The following SEZ6L variants were observed in gnomAD, a reference collection of about 807,000 sequenced individuals.
The protein encoded by SEZ6L is seizure 6-like protein.
A neutral mutation model predicts 106.2 loss-of-function variants in SEZ6L; 37 were observed. The ratio of observed to expected loss-of-function variants is 0.35; its 90% CI spans 0.27 to 0.46. The LOEUF (loss-of-function observed/expected upper bound fraction) is 0.46. SEZ6L is among the 20% of genes least tolerant of loss of function. The pLI is 1.00. For missense variants in SEZ6L, 1,172 were observed against 1,332.8 expected (o/e 0.88, Z 1.88); for synonymous variants, 541 against 570.4 (o/e 0.95, Z 0.73).
intron 15 of SEZ6L, among the ~76,000 whole-genome samples, chr22:26,376,952 A>G (rs549632716): frequency 6.6e-6 from 1 of 152,140 alleles, no homozygotes; most frequent in East Asian, 1.9e-4. Flanking sequence ...GGAAATAGGT[A>G]GGTGTGGTGA....
At chr22:26,316,458 G>A (rs1392629897) in intron 9 of SEZ6L, among the ~76,000 whole-genome samples, 1 of 152,200 alleles carries the variant, frequency 6.6e-6, no homozygotes, top group Non-Finnish European at 1.5e-5. Context: ...GGGCACCTGA[G>A]TGAAATCAGG....
intron 12 of SEZ6L, among the ~76,000 whole-genome samples, chr22:26,351,837 A>G (rs1601590060): frequency 6.7e-6 from 1 of 150,324 alleles, no homozygotes; most frequent in East Asian, 2.1e-4. Flanking sequence ...ATGAGCCACC[A>G]CCCTGGCTTC....
intron 1 of SEZ6L, among the ~76,000 whole-genome samples, chr22:26,205,432 C>G (rs969447777): frequency 6.6e-6 from 1 of 152,230 alleles, no homozygotes; most frequent in East Asian, 1.9e-4. Context: ...TGACCTTCTT[C>G]CTCAGGTTTA....
At chr22:26,309,230 C>A (rs918431852) in intron 6 of SEZ6L, among the ~76,000 whole-genome samples, 1 of 152,170 alleles carries the variant, frequency 6.6e-6, no homozygotes, top group African/African-American at 2.4e-5. Context: ...CTTTAAAAAA[C>A]CAAGGCTAGC....
intron 1 of SEZ6L, among the ~76,000 whole-genome samples, chr22:26,287,238 C>T (rs77296566): frequency 0.075 from 11,350 of 152,116 alleles, 531 homozygotes; most frequent in Middle Eastern, 0.14. Flanking sequence ...GCAACATCAG[C>T]GTGCATTTAA....
chr22:26,216,900 T>G lies in SEZ6L; in HGVS notation c.94+47137T>G, dbSNP rs540655311. ...GGCTTTGAGAGGTAAAGTCACTTGC[T>G]TAAGGCCATATAACCAGGAGGGAAG... On this transcript the variant is annotated intron_variant, in intron 1 of 16. Transcript: ENST00000248933. Among the ~76,000 whole-genome samples the G allele has an allele frequency of 2.0e-5, 3 of 152,254 alleles. No individual in the cohort carries two copies. In the South Asian group the frequency reaches 6.2e-4, roughly 32 times the overall value.
intron 12 of SEZ6L, among the ~76,000 whole-genome samples, chr22:26,364,021 G>A (rs139731296): frequency 2.4e-4 from 37 of 152,246 alleles, no homozygotes; most frequent in African/African-American, 8.4e-4. Flanking sequence ...GTTGTTTAAC[G>A]CATATAGAGT....
chr22:26,369,568 C>T (rs973051867), intron 13 of SEZ6L, among the ~76,000 whole-genome samples: 8 of 151,634 alleles, frequency 5.3e-5, no homozygotes, highest in African/African-American at 1.7e-4. Flanking sequence ...TCTCGATCTC[C>T]TGACCTCGTG....
intron 1 of SEZ6L, among the ~76,000 whole-genome samples, chr22:26,218,639 T>C (rs1312002115): frequency 6.6e-6 from 1 of 152,186 alleles, no homozygotes; most frequent in African/African-American, 2.4e-5. Context: ...CTGTCTCTAC[T>C]AAAAATACAA....
intron 1 of SEZ6L, chr22:26,241,401 G>A (rs1376653952): frequency 1.3e-5 from 2 of 152,070 alleles, no homozygotes; most frequent in African/African-American, 4.8e-5. Context: ...TGCCCTCCAA[G>A]GGATGCAGCA....
intron 1 of SEZ6L, among the ~76,000 whole-genome samples, chr22:26,212,715 G>T (rs750496715): frequency 6.6e-6 from 1 of 152,208 alleles, no homozygotes; most frequent in African/African-American, 2.4e-5. Flanking sequence ...GAGCCACCAC[G>T]CCTGGCCAAG....
At chr22:26,340,189 G>A (rs2082782409) in intron 9 of SEZ6L, among the ~76,000 whole-genome samples, 1 of 152,060 alleles carries the variant, frequency 6.6e-6, no homozygotes, top group Non-Finnish European at 1.5e-5. Context: ...CGAGCTGAGA[G>A]TGCCACTGCA....
chr22:26,248,786 G>A (rs1228886558), intron 1 of SEZ6L, among the ~76,000 whole-genome samples: 2 of 152,194 alleles, frequency 1.3e-5, no homozygotes, highest in Admixed American at 1.3e-4. Context: ...ATTTTCCTTG[G>A]AAAGGACTCT....
chr22:26,240,582 AT>A (rs1325945738), intron 1 of SEZ6L, among the ~76,000 whole-genome samples: 1 of 152,196 alleles, frequency 6.6e-6, no homozygotes, highest in Non-Finnish European at 1.5e-5. Context: ...TTAAATAATA[AT>A]GTTATATGCT....
chr22:26,304,433 A>AAAG (rs2081573273), intron 5 of SEZ6L, among the ~76,000 whole-genome samples: 1 of 151,740 alleles, frequency 6.6e-6, no homozygotes, highest in Non-Finnish European at 1.5e-5. Context: ...AGAAAGAAAA[A>AAAG]GAAAGGAAAG....
At chr22:26,172,433 A>G (rs939542474) in intron 1 of SEZ6L, among the ~76,000 whole-genome samples, 1 of 152,190 alleles carries the variant, frequency 6.6e-6, no homozygotes, top group Non-Finnish European at 1.5e-5. Context: ...CCAGGGCAAA[A>G]GGATATTTTC....
intron 1 of SEZ6L, among the ~76,000 whole-genome samples, chr22:26,185,010 G>T (rs573331484): frequency 3.9e-5 from 6 of 152,328 alleles, no homozygotes; most frequent in African/African-American, 9.6e-5. Flanking sequence ...CTTGAACCCA[G>T]GTGGCAGAGG....
At position 26,182,282 on chromosome 22, in the gene SEZ6L, T is replaced by C. The variant is rs77832319; in HGVS notation, c.94+12519T>C. On this transcript the variant is annotated intron_variant, in intron 1 of 16. Transcript: ENST00000248933. ...TCTAGGTCACCAATATTTGGCTCAGTGCTTGGCGTATCAGATAGTCAGCAG... is the reference window on the plus strand; with the variant it reads ...TCTAGGTCACCAATATTTGGCTCAGCGCTTGGCGTATCAGATAGTCAGCAG... 5.1e-3 allele frequency among the ~76,000 whole-genome samples: 770 copies of C among 152,348 alleles called. 4 individuals are homozygous for C. Among genetic ancestry groups the C allele is most frequent in the South Asian group, 9.1e-3 (44 of 4,826 alleles).
chr22:26,197,716 T>G (rs1298314850), intron 1 of SEZ6L, among the ~76,000 whole-genome samples: 1 of 152,164 alleles, frequency 6.6e-6, no homozygotes, highest in East Asian at 1.9e-4. Flanking sequence ...AGAAACACTT[T>G]TTTTTCTAAA....
Sources: allele counts gnomAD v4.1 joint callset (sites outside exome capture counted in the v4.1 genomes callset), GRCh38; gene constraint gnomAD v4.1.1; transcripts MANE v1.5; gene names NCBI Gene and HGNC (gene_info 2026-07-23, HGNC 2026-07-21).